The following AMER3 variants were observed in gnomAD, a reference collection of about 807,000 sequenced individuals.
AMER3 encodes the protein family with sequence similarity 123C.
For missense variants in AMER3, 1,201 were observed against 1,139.4 expected (o/e 1.05, Z -0.78); for synonymous variants, 541 against 485.5 (o/e 1.11, Z -1.50).
At chr2:130,760,856 C>A (rs1243981842) in intron 1 of AMER3, among the ~76,000 whole-genome samples, 4 of 152,152 alleles carry the variant, frequency 2.6e-5, no homozygotes, top group African/African-American at 9.7e-5. Context: ...CAGCTCCCTC[C>A]TCCTTCGCTC....
In AMER3 at chr2:130,764,503, G is replaced by C. The variant is rs1678925805; in HGVS notation, c.2431G>C (p.Glu811Gln). 1 of 1,601,334 alleles carries C rather than the reference G, an allele frequency of 6.2e-7. No individual in the cohort carries two copies. Among genetic ancestry groups the C allele is most frequent in the South Asian group, 1.1e-5 (1 of 89,292 alleles). ...GTGGAGTTCCCAGGGCCACCATCCA[G>C]AAAGCCTGGGCCTCACTTTGAACAG... ...ARWSSQGHHP[E>Q]SLGLTLNSQQ... The change falls in exon 2 of 2, where the codon GAA becomes CAA. Residue 811 changes from glutamate (E) to glutamine (Q), a missense_variant. Glu to Gln is a conservative substitution (Grantham distance 29, BLOSUM62 2). Coordinates refer to ENST00000321420, the MANE Select transcript of AMER3 (RefSeq NM_152698.3).
At position 130,763,905 on chromosome 2, in the gene AMER3, C is replaced by G. The variant is rs1458844163; in HGVS notation, c.1833C>G (p.Gly611=). The change falls in exon 2 of 2, where the codon GGC becomes GGG. Residue 611 remains glycine, a synonymous_variant. Transcript: ENST00000321420. ...AAGAGACACGAGGTCACTCTGAAGG[C>G]TTGTTCTCCTCTATGGAGTCTGCAG... is the stretch of plus-strand genomic sequence containing the variant. The part of the protein sequence containing the change: ...REEETRGHSE[G]LFSSMESAAT... 1 of 1,613,656 alleles carries G rather than the reference C, an allele frequency of 6.2e-7. No homozygotes were observed. The highest frequency in any genetic ancestry group is 1.1e-5 in the South Asian group (1 of 91,090).
Position 130,763,344 on chromosome 2 carries a change from G to C in AMER3, c.1272G>C (p.Glu424Asp). 6.2e-7 allele frequency: 1 copy of C among 1,613,412 alleles called. No individual in the cohort carries two copies. The change falls in exon 2 of 2, where the codon GAG (glutamate) becomes GAC (aspartate). Residue 424 changes from glutamate to aspartate, a missense_variant. Glu to Asp is a conservative substitution (Grantham distance 45). Transcript: ENST00000321420. Reference sequence around the variant, plus strand: ...GCTACAGTGGGGACGCCCTCTACGAGCTCTTCCACGACCCCAGCGAGGGTC... The same window carrying C: ...GCTACAGTGGGGACGCCCTCTACGACCTCTTCCACGACCCCAGCGAGGGTC... ...RDSYSGDALY[E>D]LFHDPSEGPL... is the part of the protein sequence containing the mutation.
rs551366921 is a variant in AMER3 at position 130,763,015 on chromosome 2, C to T, written c.943C>T (p.Arg315Cys). 30 of 1,613,208 alleles carry T rather than the reference C, an allele frequency of 1.9e-5. No homozygotes were observed. Among genetic ancestry groups the T allele is most frequent in the Admixed American group, 3.3e-5 (2 of 60,004 alleles). Residue 315 changes from arginine to cysteine, a missense_variant, in exon 2 of 2, where the codon CGC (arginine) becomes TGC (cysteine). Physicochemically the swap from Arg to Cys is radical, Grantham distance 180 (BLOSUM62 -3). Coordinates refer to ENST00000321420, the MANE Select transcript of AMER3 (RefSeq NM_152698.3). Reference protein sequence around the residue: ...DFTRFWDSVNRSVRQQQRALL... With the variant: ...DFTRFWDSVNCSVRQQQRALL... The stretch of plus-strand genomic sequence containing the variant: ...CACCAGGTTCTGGGACAGTGTGAAT[C>T]GCTCAGTGCGTCAGCAGCAGCGTGC...
Position 130,762,778 on chromosome 2 carries a change from G to A in AMER3, c.706G>A (p.Glu236Lys). ...CTTTGGTCTCTGCAGGGCCCTGTGT[G>A]AGGACGTGGCCTCACTCCAGAGCTT... ...ASFGLCRALC[E>K]DVASLQSFDS... The change falls in exon 2 of 2, where the codon GAG (glutamate) becomes AAG (lysine). Residue 236 changes from glutamate (E) to lysine (K), a missense_variant. By Grantham distance (56) the Glu-to-Lys change is moderately conservative (BLOSUM62 1). Transcript: ENST00000321420. 3 of 1,611,226 alleles carry A rather than the reference G, an allele frequency of 1.9e-6. No individual in the cohort carries two copies. The highest frequency in any genetic ancestry group is 2.5e-6 in the Non-Finnish European group (3 of 1,178,270).
In AMER3 at chr2:130,765,018, C is replaced by T. The variant is rs192965060; in HGVS notation, c.*360C>T. 115 of 210,884 alleles carry T rather than the reference C, an allele frequency of 5.5e-4. 1 individual carries two copies. The highest frequency in any genetic ancestry group is 2.5e-3 in the African/African-American group (110 of 43,450). The allele number at this position is 210,884 out of a possible 1,614,324, so 13.1% of individuals were successfully genotyped here. ...GGATGTGTGTGAATCCCAAAAGACG[C>T]AATCCCAAATGCCATAGTCCCAAGT... On this transcript the variant is annotated 3_prime_UTR_variant, in exon 2 of 2. Coordinates refer to ENST00000321420, the MANE Select transcript of AMER3 (RefSeq NM_152698.3).
intron 1 of AMER3, among the ~76,000 whole-genome samples, chr2:130,759,977 C>A (rs1678728346): frequency 6.6e-6 from 1 of 152,218 alleles, no homozygotes; most frequent in African/African-American, 2.4e-5. Context: ...GTGCTGTGTG[C>A]AGCAAAGCCC....
rs866707829 is a variant in AMER3, at chr2:130,764,744, C to T, written c.*86C>T. 1 of 1,386,178 alleles carries T rather than the reference C, an allele frequency of 7.2e-7. No individual in the cohort carries two copies. Among genetic ancestry groups the T allele is most frequent in the Non-Finnish European group, 9.6e-7 (1 of 1,037,078 alleles). The allele number at this position is 1,386,178 out of a possible 1,614,324, so 85.9% of individuals were successfully genotyped here. On this transcript the variant is annotated 3_prime_UTR_variant, in exon 2 of 2. Transcript: ENST00000321420. ...GGACTCAAATCTCTATCTTTTGTCC[C>T]TGATGTGGGGACTGTGTTGGGGGTG...
chr2:130,761,725 C>A lies in AMER3; in HGVS notation c.-19-329C>A, dbSNP rs150459324. Among the ~76,000 whole-genome samples the A allele has an allele frequency of 6.5e-3, 984 of 152,352 alleles. 12 individuals are homozygous for A. The highest frequency in any genetic ancestry group is 0.022 in the African/African-American group (907 of 41,584). On this transcript the variant is annotated intron_variant, in intron 1 of 1. Transcript: ENST00000321420. ...GGCCATGACACCCACTCCTAAGGAC[C>A]TGCTACGGATACACTAAGGAGCTGT... is the stretch of plus-strand genomic sequence containing the variant.
At position 130,762,829 on chromosome 2, in the gene AMER3, G is replaced by A. The variant is rs751419818; in HGVS notation, c.757G>A (p.Val253Met). Residue 253 changes from valine (V) to methionine (M), a missense_variant, in exon 2 of 2, where the codon GTG (valine) becomes ATG (methionine). Transcript: ENST00000321420. ...SFDSLTGCGE[V>M]FADESSVPSL... Reference sequence around the variant, plus strand: ...CGACTCGCTCACGGGTTGTGGGGAGGTGTTCGCAGATGAGAGCTCGGTGCC... The same window carrying A: ...CGACTCGCTCACGGGTTGTGGGGAGATGTTCGCAGATGAGAGCTCGGTGCC... 1.3e-5 allele frequency: 21 copies of A among 1,613,416 alleles called. No individual in the cohort carries two copies. The highest frequency in any genetic ancestry group is 6.7e-5 in the Admixed American group (4 of 60,012).
chr2:130,758,741 C>T (rs1678692595), intron 1 of AMER3, among the ~76,000 whole-genome samples: 1 of 152,202 alleles, frequency 6.6e-6, no homozygotes, highest in East Asian at 1.9e-4. Flanking sequence ...AGGGACGGGT[C>T]TGAACCCTCC....
chr2:130,767,150 T>C lies in AMER3; in HGVS notation c.*2492T>C, dbSNP rs1679006005. On this transcript the variant is annotated 3_prime_UTR_variant, in exon 2 of 2. Transcript: ENST00000321420. Reference sequence around the variant, plus strand: ...CCATGAAGGGAGAAGGTGGCTGGTGTCTGTAGGAGGGACAGGTGTCCGTCC... The same window carrying C: ...CCATGAAGGGAGAAGGTGGCTGGTGCCTGTAGGAGGGACAGGTGTCCGTCC... 1 of 167,040 alleles carries C rather than the reference T, an allele frequency of 6.0e-6. No homozygotes were observed. Among genetic ancestry groups the C allele is most frequent in the Non-Finnish European group, 1.5e-5 (1 of 68,186 alleles). The allele number at this position is 167,040 out of a possible 1,614,324, so 10.3% of individuals were successfully genotyped here.
chr2:130,763,865 A>G lies in AMER3; in HGVS notation c.1793A>G (p.Asp598Gly). 1 of 1,613,430 alleles carries G rather than the reference A, an allele frequency of 6.2e-7. No individual in the cohort carries two copies. The highest frequency in any genetic ancestry group is 8.5e-7 in the Non-Finnish European group (1 of 1,180,018). The change falls in exon 2 of 2, where the codon GAT (aspartate) becomes GGT (glycine). Residue 598 changes from aspartate to glycine, a missense_variant. Physicochemically the swap from Asp to Gly is moderately conservative, Grantham distance 94. Coordinates refer to ENST00000321420, the MANE Select transcript of AMER3 (RefSeq NM_152698.3). Reference sequence around the variant, plus strand: ...CAAGGGACTGGCACACTGTCCAGGGATGCCTCTCGAGAGGAAGAGACACGA... The same window carrying G: ...CAAGGGACTGGCACACTGTCCAGGGGTGCCTCTCGAGAGGAAGAGACACGA... The part of the protein sequence containing the change: ...ATQGTGTLSR[D>G]ASREEETRGH...
rs755092433 is a variant in AMER3 at position 130,765,518 on chromosome 2, A to G, written c.*860A>G. ...ATGGCAAGAACTTTCATCTCTCACAATTGCAGATGTACAAAAATTACATCT... is the reference window on the plus strand; with the variant it reads ...ATGGCAAGAACTTTCATCTCTCACAGTTGCAGATGTACAAAAATTACATCT... On this transcript the variant is annotated 3_prime_UTR_variant, in exon 2 of 2. Transcript: ENST00000321420. 2 of 166,984 alleles carry G rather than the reference A, an allele frequency of 1.2e-5. No individual in the cohort carries two copies. Among genetic ancestry groups the G allele is most frequent in the African/African-American group, 4.8e-5 (2 of 41,450 alleles). 10.3% of individuals were successfully genotyped at this position (166,984 alleles called of 1,614,324 possible). A position where few individuals can be genotyped will look rare whatever the true frequency, so the allele number is the denominator to read the frequency against.
Position 130,764,734 on chromosome 2 carries a change from T to A in AMER3, c.*76T>A. 7.0e-7 allele frequency: 1 copy of A among 1,428,138 alleles called. No homozygotes were observed. The highest frequency in any genetic ancestry group is 2.6e-4 in the Middle Eastern group (1 of 3,882). 88.5% of individuals were successfully genotyped at this position (1,428,138 alleles called of 1,614,324 possible). A position where few individuals can be genotyped will look rare whatever the true frequency, so the allele number is the denominator to read the frequency against. ...GGAGAGCCTAGGACTCAAATCTCTA[T>A]CTTTTGTCCCTGATGTGGGGACTGT... On this transcript the variant is annotated 3_prime_UTR_variant, in exon 2 of 2. Coordinates refer to ENST00000321420, the MANE Select transcript of AMER3 (RefSeq NM_152698.3).
intron 1 of AMER3, chr2:130,756,234 C>T (rs1394805938): frequency 6.8e-6 from 1 of 148,064 alleles, no homozygotes; most frequent in African/African-American, 2.4e-5. Flanking sequence ...CCTGGAGCCG[C>T]GGTGGGTGGG....
chr2:130,763,613 G>A lies in AMER3; in HGVS notation c.1541G>A (p.Arg514Gln), dbSNP rs572440587. 1.5e-4 allele frequency: 242 copies of A among 1,577,696 alleles called. 2 individuals carry two copies. In the South Asian group the frequency reaches 2.5e-3, roughly 16 times the overall value. Residue 514 changes from arginine (R) to glutamine (Q), a missense_variant, in exon 2 of 2, where the codon CGA becomes CAA. Physicochemically the swap from Arg to Gln is conservative, Grantham distance 43. Coordinates refer to ENST00000321420, the MANE Select transcript of AMER3 (RefSeq NM_152698.3). ...ATGGGCATCGTCAGCTGGCTGCGCCGAGGCCCCACGCCCCGTGCCCCACCC... is the reference window on the plus strand; with the variant it reads ...ATGGGCATCGTCAGCTGGCTGCGCCAAGGCCCCACGCCCCGTGCCCCACCC... ...ITMGIVSWLR[R>Q]GPTPRAPPTP...
At position 130,763,572 on chromosome 2, in the gene AMER3, T is replaced by C. The variant is rs1304212754; in HGVS notation, c.1500T>C (p.Thr500=). 6.8e-6 allele frequency: 11 copies of C among 1,611,510 alleles called. 1 individual carries two copies. Among genetic ancestry groups the C allele is most frequent in the African/African-American group, 4.0e-5 (3 of 74,910 alleles). The stretch of plus-strand genomic sequence containing the variant: ...AGTGCCTGCTGAAGCTGTGTGACAC[T>C]GAGCTCGCCATCACCATGGGCATCG... ...GKECLLKLCD[T]ELAITMGIVS... is the part of the protein sequence containing the mutation. Residue 500 remains threonine (T), a synonymous_variant, in exon 2 of 2, where the codon ACT becomes ACC. Coordinates refer to ENST00000321420, the MANE Select transcript of AMER3 (RefSeq NM_152698.3).
chr2:130,760,812 A>G (rs1176471169), intron 1 of AMER3, among the ~76,000 whole-genome samples: 1 of 152,072 alleles, frequency 6.6e-6, no homozygotes. Context: ...AGCATGTTTA[A>G]AAACTAAACC....
Sources: gnomAD v4.1 joint callset for allele counts (sites outside exome capture counted in the v4.1 genomes callset) on GRCh38, gnomAD v4.1.1 for gene constraint, MANE v1.5 for transcripts, NCBI Gene and HGNC (gene_info 2026-07-23, HGNC 2026-07-21) for gene names.